ARMC8: variants seen among roughly 807,000 people sequenced by gnomAD.
The protein encoded by ARMC8 is armadillo repeat-containing protein 8.
Under a neutral mutation model 99.3 loss-of-function variants are expected in ARMC8, and 20 were observed. The ratio of observed to expected loss-of-function variants is 0.20; its 90% CI spans 0.14 to 0.29. ARMC8 has a LOEUF of 0.29. ARMC8 is among the 10% of genes least tolerant of loss of function. The pLI is 1.00. For missense variants in ARMC8, 569 were observed against 809.5 expected (o/e 0.70, Z 3.60); for synonymous variants, 263 against 278.3 (o/e 0.95, Z 0.55).
chr3:138,245,340 T>A, intron 12 of ARMC8, 157 bp downstream of exon 12: 1 of 1,494,094 alleles, frequency 6.7e-7, no homozygotes, highest in Non-Finnish European at 9.0e-7. Flanking sequence ...GGGACCCGGA[T>A]TTGGGGGGTT....
intron 16 of ARMC8, among the ~76,000 whole-genome samples, chr3:138,271,802 T>C (rs866167375): frequency 1.3e-4 from 18 of 143,696 alleles, no homozygotes; most frequent in South Asian, 6.3e-4. Context: ...TTCTTTCTTT[T>C]TTTTTTTTTT....
intron 1 of ARMC8, chr3:138,187,950 C>A: frequency 2.9e-6 from 1 of 342,662 alleles, no homozygotes; most frequent in Non-Finnish European, 5.4e-6. Flanking sequence ...TCCCGGGGGC[C>A]GAACGCTCTG....
intron 1 of ARMC8, among the ~76,000 whole-genome samples, chr3:138,193,418 G>C (rs755113086): frequency 1.2e-4 from 18 of 151,844 alleles, no homozygotes; most frequent in Admixed American, 1.2e-3. Context: ...GTGCCACCGC[G>C]CCCAGCTAAT....
At chr3:138,250,177 T>A (rs564850322) in intron 12 of ARMC8, among the ~76,000 whole-genome samples, 2 of 152,262 alleles carry the variant, frequency 1.3e-5, no homozygotes, top group East Asian at 3.9e-4. Context: ...TCTTCTATCC[T>A]CTTTTTCCTA....
chr3:138,238,495 G>T (rs2046444711), intron 9 of ARMC8: 1 of 152,154 alleles, frequency 6.6e-6, no homozygotes, highest in South Asian at 2.1e-4. Flanking sequence ...TAGTATTTAA[G>T]CTGTGGTTCT....
At chr3:138,285,917 C>T (rs1461508004) in intron 19 of ARMC8, among the ~76,000 whole-genome samples, 1 of 152,018 alleles carries the variant, frequency 6.6e-6, no homozygotes, top group Non-Finnish European at 1.5e-5. Context: ...CGAGACATAC[C>T]CATTTCTCTG....
chr3:138,239,864 A>G (rs948682929), intron 10 of ARMC8, among the ~76,000 whole-genome samples: 6 of 152,206 alleles, frequency 3.9e-5, no homozygotes, highest in Non-Finnish European at 7.4e-5. Context: ...TTTGTACTAC[A>G]GTTTTAGAGG....
intron 17 of ARMC8, 142 bp downstream of exon 17, chr3:138,273,258 T>C (rs2108307120): frequency 2.3e-6 from 2 of 874,488 alleles, no homozygotes; most frequent in Non-Finnish European, 3.4e-6. Flanking sequence ...AAGGAGTTGA[T>C]GTCTAAACCT....
chr3:138,211,837 A>G (rs1216823644), intron 2 of ARMC8, among the ~76,000 whole-genome samples: 2 of 152,332 alleles, frequency 1.3e-5, no homozygotes, highest in South Asian at 2.1e-4. Flanking sequence ...ATAAAATTCA[A>G]TGTCTGATAC....
chr3:138,235,394 C>G (rs1428672473), intron 7 of ARMC8, among the ~76,000 whole-genome samples: 2 of 152,210 alleles, frequency 1.3e-5, no homozygotes, highest in East Asian at 3.9e-4. Flanking sequence ...TGCCATGATG[C>G]CTTGAAGTAT....
intron 19 of ARMC8, among the ~76,000 whole-genome samples, chr3:138,286,721 A>C (rs949599301): frequency 1.3e-5 from 2 of 151,906 alleles, no homozygotes; most frequent in Non-Finnish European, 2.9e-5. Flanking sequence ...TCTTACGTAC[A>C]GACAGAGTTG....
Position 138,273,020 on chromosome 3 carries a change from G to T in ARMC8, c.1533G>T (p.Leu511Phe). 1 of 1,611,160 alleles carries T rather than the reference G, an allele frequency of 6.2e-7. No individual in the cohort carries two copies. Among genetic ancestry groups the T allele is most frequent in the South Asian group, 1.1e-5 (1 of 90,228 alleles). Residue 511 changes from leucine to phenylalanine, a missense_variant, in exon 17 of 22, where the codon TTG (leucine) becomes TTT (phenylalanine). Physicochemically the swap from Leu to Phe is conservative, Grantham distance 22. This residue lies in a region of ARMC8 where 227 missense variants were observed against 417.9 expected (regional missense o/e 0.54). Coordinates refer to ENST00000469044, the MANE Select transcript of ARMC8 (RefSeq NM_001363941.2). Reference sequence around the variant, plus strand: ...TAAAAGCAGATATTTTACGAAGCTTGAGTACTGAACAGCTATTCCGGTTAT... The same window carrying T: ...TAAAAGCAGATATTTTACGAAGCTTTAGTACTGAACAGCTATTCCGGTTAT... Reference protein sequence around the residue: ...QKIKADILRSLSTEQLFRLLS... With the variant: ...QKIKADILRSFSTEQLFRLLS...
At chr3:138,189,006 C>T (rs529401549) in intron 1 of ARMC8, among the ~76,000 whole-genome samples, 2 of 152,130 alleles carry the variant, frequency 1.3e-5, no homozygotes, top group East Asian at 3.9e-4. Context: ...ATGACTTTTA[C>T]CTCATTATGT....
intron 1 of ARMC8, chr3:138,188,017 C>T (rs924796426): frequency 4.1e-6 from 1 of 246,640 alleles, no homozygotes; most frequent in Non-Finnish European, 7.9e-6. Flanking sequence ...CTCAGCTCTC[C>T]CGGGCTTTGG....
In ARMC8 at chr3:138,276,426, T is replaced by A. The variant is rs1304254773; in HGVS notation, c.1725+1882T>A. On this transcript the variant is annotated intron_variant, in intron 18 of 21. Coordinates refer to ENST00000469044, the MANE Select transcript of ARMC8 (RefSeq NM_001363941.2). ...GGAACAAGACAAGTATGTCCATTTGTACCACTCCTGTTCAACATTGTGCTG... is the reference window on the plus strand; with the variant it reads ...GGAACAAGACAAGTATGTCCATTTGAACCACTCCTGTTCAACATTGTGCTG... Among the ~76,000 whole-genome samples the A allele has an allele frequency of 2.6e-5, 4 of 152,188 alleles. No homozygotes were observed. The East Asian group carries it at 7.7e-4, about 29-fold the overall frequency.
At chr3:138,270,312 C>A (rs1365123356) in intron 16 of ARMC8, among the ~76,000 whole-genome samples, 180 bp downstream of exon 16, 2 of 152,182 alleles carry the variant, frequency 1.3e-5, no homozygotes, top group Non-Finnish European at 2.9e-5. Flanking sequence ...ACAGATTTAA[C>A]TGTAAGCAAG....
intron 19 of ARMC8, among the ~76,000 whole-genome samples, chr3:138,285,387 G>A (rs1315180183): frequency 6.6e-6 from 1 of 152,054 alleles, no homozygotes. Context: ...CAAGTCCTAC[G>A]TGACCTAACC....
chr3:138,241,703 C>A (rs2046633258), intron 10 of ARMC8, 80 bp from the exon 11 acceptor site: 3 of 1,140,528 alleles, frequency 2.6e-6, no homozygotes, highest in Non-Finnish European at 3.9e-6. Context: ...CTGATAAAAG[C>A]TATTGAGTTG....
intron 19 of ARMC8, among the ~76,000 whole-genome samples, chr3:138,286,295 C>T (rs1299153543): frequency 6.6e-6 from 1 of 152,180 alleles, no homozygotes; most frequent in South Asian, 2.1e-4. Flanking sequence ...GCCTCCTCCT[C>T]TGCCTCTAAA....
Sources: allele counts gnomAD v4.1 joint callset (sites outside exome capture counted in the v4.1 genomes callset), GRCh38; gene constraint gnomAD v4.1.1; regional missense constraint gnomAD v4.1.1; transcripts MANE v1.5; gene names NCBI Gene and HGNC (gene_info 2026-07-23, HGNC 2026-07-21).